DPEP3: variants seen among roughly 807,000 people sequenced by gnomAD.
The protein encoded by DPEP3 is dipeptidase 3, also known as membrane-bound dipeptidase 3.
Under a neutral mutation model 47.5 loss-of-function variants are expected in DPEP3, and 42 were observed. The ratio of observed to expected loss-of-function variants is 0.88; its 90% CI spans 0.69 to 1.14. The LOEUF (loss-of-function observed/expected upper bound fraction) is 1.14, where lower values mean the gene tolerates loss of function less well. Ranked by LOEUF, DPEP3 falls within the 50% of genes most tolerant of loss-of-function variation. The pLI is 0.00. For synonymous variants in DPEP3, 276 were observed against 270.2 expected, an observed-to-expected ratio of 1.02 and a Z score of -0.21; for missense variants, 560 against 635.0, an observed-to-expected ratio of 0.88 and a Z score of 1.27.
At position 67,977,925 on chromosome 16, in the gene DPEP3, C is replaced by T. The variant is rs988675933; in HGVS notation, c.756+13G>A. The T allele has an allele frequency of 1.2e-6, 2 of 1,613,842 alleles. No homozygotes were observed. Among genetic ancestry groups the T allele is most frequent in the Admixed American group, 1.7e-5 (1 of 59,996 alleles). ...GCAGCAGGTGGGTTGGGGTACAAAA[C>T]AGGAGTCCTCACCTCACCAAAGCTT... On this transcript the variant is annotated intron_variant, in intron 5 of 9. Transcript: ENST00000268793.
In DPEP3 at chr16:67,976,239, A is replaced by G; in HGVS notation, c.1095-11T>C. ...AGCCCCTGAGGGAACCTGTGTGGCC[A>G]CCCACCAGCCAGCTGTGGGACCTTA... is the stretch of plus-strand genomic sequence containing the variant. On this transcript the variant is annotated splice_polypyrimidine_tract_variant and intron_variant, in intron 8 of 9. Transcript: ENST00000268793. The G allele has an allele frequency of 6.2e-7, 1 of 1,613,744 alleles. No homozygotes were observed. Among genetic ancestry groups the G allele is most frequent in the South Asian group, 1.1e-5 (1 of 91,056 alleles).
Position 67,976,245 on chromosome 16 carries a change from C to T in DPEP3, c.1095-17G>A, listed in dbSNP as rs758014358. On this transcript the variant is annotated splice_polypyrimidine_tract_variant and intron_variant, in intron 8 of 9. Transcript: ENST00000268793. ...TGAGGGAACCTGTGTGGCCACCCAC[C>T]AGCCAGCTGTGGGACCTTAGCCCTG... is the stretch of plus-strand genomic sequence containing the variant. 6.2e-7 allele frequency: 1 copy of T among 1,613,794 alleles called. No individual in the cohort carries two copies. Among genetic ancestry groups the T allele is most frequent in the South Asian group, 1.1e-5 (1 of 91,070 alleles).
Position 67,977,798 on chromosome 16 carries a change from A to AT in DPEP3, c.787dup (p.Met263AsnfsTer36), listed in dbSNP as rs777427964. 2.5e-6 allele frequency: 4 copies of AT among 1,613,966 alleles called. No individual in the cohort carries two copies. The highest frequency in any genetic ancestry group is 3.4e-6 in the Non-Finnish European group (4 of 1,179,882). ...CGATGCATAGGACAAATCTATCATC[A>AT]TGCCCAGGCGGTTCAACTCCTCTAC... On this transcript the variant is annotated frameshift_variant, in exon 6 of 10. Transcript: ENST00000268793. LOFTEE classifies it high-confidence loss of function.
At chr16:67,976,884 CCAGT>C in intron 7 of DPEP3, 109 bp from the exon 8 acceptor site, 1 of 914,314 alleles carries the variant, frequency 1.1e-6, no homozygotes, top group Non-Finnish European at 1.7e-6. Flanking sequence ...TAGCTCATGG[CCAGT>C]CATGAGTCCT....
rs2031303605 is a variant in DPEP3 at position 67,980,448 on chromosome 16, C to T, written c.-68G>A. On this transcript the variant is annotated 5_prime_UTR_variant, in exon 1 of 10. Transcript: ENST00000268793. ...ATGGGCAGAGGCCGACAATGGGGTC[C>T]GGATCATGACGACCCAGCCTCCCGA... is the stretch of plus-strand genomic sequence containing the variant. The T allele has an allele frequency of 2.8e-6, 4 of 1,453,000 alleles. No homozygotes were observed. The highest frequency in any genetic ancestry group is 3.6e-6 in the Non-Finnish European group (4 of 1,103,096). 90.0% of individuals were successfully genotyped at this position (1,453,000 alleles called of 1,614,324 possible).
In DPEP3 at chr16:67,976,970, A is replaced by G. The variant is rs575580290; in HGVS notation, c.1019-195T>C. Among the ~76,000 whole-genome samples the G allele has an allele frequency of 2.0e-5, 3 of 152,280 alleles. No individual in the cohort carries two copies. The East Asian group carries it at 5.8e-4, about 29-fold the overall frequency. On this transcript the variant is annotated intron_variant, in intron 7 of 9. Coordinates refer to ENST00000268793, the MANE Select transcript of DPEP3 (RefSeq NM_001370198.1). ...CACCCCTTTGGGACTTTTCCTGCCCAGGAGCCACCCTGCCTCTGGGTTCCT... is the reference window on the plus strand; with the variant it reads ...CACCCCTTTGGGACTTTTCCTGCCCGGGAGCCACCCTGCCTCTGGGTTCCT...
chr16:67,980,265 G>A lies in DPEP3; in HGVS notation c.116C>T (p.Thr39Met), dbSNP rs374220452. 2.6e-5 allele frequency: 41 copies of A among 1,597,000 alleles called. No individual in the cohort carries two copies. Among genetic ancestry groups the A allele is most frequent in the Middle Eastern group, 1.8e-4 (1 of 5,712 alleles). Residue 39 changes from threonine (T) to methionine (M), a missense_variant, in exon 1 of 10, where the codon ACG becomes ATG. Thr to Met is a moderately conservative substitution (Grantham distance 81). Transcript: ENST00000268793. ...LRQPVTRAET[T>M]PGAPRALSTL... ...GGAGAGGGCTCTGGGGGCGCCCGGC[G>A]TGGTCTCCGCGCGGGTTACGGGCTG...
In DPEP3 at chr16:67,978,310, C is replaced by G. The variant is rs1317614741; in HGVS notation, c.643G>C (p.Gly215Arg). ...AAGGTAAGTGTCAGGTAGCGCACCC[C>G]CAGCACATAGAAACTGCGCAGCACA... is the stretch of plus-strand genomic sequence containing the variant. ...LSVLRSFYVL[G>R]VRYLTLTFTC... Residue 215 changes from glycine (G) to arginine (R), a missense_variant, in exon 4 of 10, where the codon GGG becomes CGG. Gly to Arg is a moderately radical substitution (Grantham distance 125). Transcript: ENST00000268793. This position sits in a 1 kb window ranked among gnomAD's most constrained non-coding sequence, Gnocchi z 4.4. 1.9e-5 allele frequency: 31 copies of G among 1,614,046 alleles called. No individual in the cohort carries two copies. Among genetic ancestry groups the G allele is most frequent in the Non-Finnish European group, 2.5e-5 (29 of 1,180,036 alleles).
Position 67,975,966 on chromosome 16 carries a change from C to G in DPEP3, c.1266G>C (p.Glu422Asp). ...REESRAQSPV[E>D]AEFPYGQLST... ...TCAGTTGCCCATATGGAAACTCAGCCTCCACGGGGCTCTGCGCCCTGCTCT... is the reference window on the plus strand; with the variant it reads ...TCAGTTGCCCATATGGAAACTCAGCGTCCACGGGGCTCTGCGCCCTGCTCT... The change falls in exon 10 of 10, where the codon GAG (glutamate) becomes GAC (aspartate). Residue 422 changes from glutamate to aspartate, a missense_variant. Glu to Asp is a conservative substitution (Grantham distance 45). Coordinates refer to ENST00000268793, the MANE Select transcript of DPEP3 (RefSeq NM_001370198.1). 6.2e-7 allele frequency: 1 copy of G among 1,613,974 alleles called. No individual in the cohort carries two copies. Among genetic ancestry groups the G allele is most frequent in the Non-Finnish European group, 8.5e-7 (1 of 1,179,888 alleles).
Position 67,980,321 on chromosome 16 carries a change from CA to C in DPEP3, c.59del (p.Leu20ArgfsTer14), listed in dbSNP as rs1310181423. On this transcript the variant is annotated frameshift_variant, in exon 1 of 10. Coordinates refer to ENST00000268793, the MANE Select transcript of DPEP3 (RefSeq NM_001370198.1). LOFTEE classifies it high-confidence loss of function. ...RALSRRYLRR[L>X]LLLLLLLLLR... Reference sequence around the variant, plus strand: ...GCAGCAGCAGCAGTAGCAGGAGCAGCAGACGCCGCAGATACCGCCGGCTGAG... The same window carrying C: ...GCAGCAGCAGCAGTAGCAGGAGCAGCGACGCCGCAGATACCGCCGGCTGAG... The C allele has an allele frequency of 8.3e-6, 13 of 1,557,136 alleles. No homozygotes were observed. The highest frequency in any genetic ancestry group is 1.4e-5 in the African/African-American group (1 of 73,488).
In DPEP3 at chr16:67,979,771, G is replaced by T. The variant is rs749228204; in HGVS notation, c.288-6C>A. The T allele has an allele frequency of 1.9e-6, 3 of 1,613,632 alleles. No homozygotes were observed. The highest frequency in any genetic ancestry group is 1.7e-4 in the Middle Eastern group (1 of 6,058). On this transcript the variant is annotated splice_polypyrimidine_tract_variant and splice_region_variant and intron_variant, in intron 1 of 9. Coordinates refer to ENST00000268793, the MANE Select transcript of DPEP3 (RefSeq NM_001370198.1). ...CCTGGGGCAGGTCATTGTGGCTGGGGGTGTGAAGGTCAGATGGAAACACCG... is the reference window on the plus strand; with the variant it reads ...CCTGGGGCAGGTCATTGTGGCTGGGTGTGTGAAGGTCAGATGGAAACACCG...
chr16:67,977,112 C>A (rs1292995942), intron 7 of DPEP3, among the ~76,000 whole-genome samples, 158 bp downstream of exon 7: 2 of 152,180 alleles, frequency 1.3e-5, no homozygotes, highest in South Asian at 4.1e-4. Flanking sequence ...CTCTGTGGCT[C>A]CAGATCTGGG....
chr16:67,980,102 G>T lies in DPEP3; in HGVS notation c.279C>A (p.Leu93=), dbSNP rs531603108. The stretch of plus-strand genomic sequence containing the variant: ...ACGCTGCACCTACATACCCGTCCAC[G>T]AGTGGGAAACTCCGCATCAGGGCCT... ...RAQALMRSFP[L]VDGHNDLPQV... The change falls in exon 1 of 10, where the codon CTC becomes CTA. Residue 93 remains leucine (L), a synonymous_variant. Transcript: ENST00000268793. The T allele has an allele frequency of 1.9e-5, 30 of 1,610,980 alleles. No individual in the cohort carries two copies. The highest frequency in any genetic ancestry group is 2.4e-5 in the Non-Finnish European group (28 of 1,178,812).
chr16:67,979,767 T>C lies in DPEP3; in HGVS notation c.288-2A>G. 1 of 1,613,760 alleles carries C rather than the reference T, an allele frequency of 6.2e-7. No homozygotes were observed. Among genetic ancestry groups the C allele is most frequent in the East Asian group, 2.2e-5 (1 of 44,874 alleles). The stretch of plus-strand genomic sequence containing the variant: ...AGGACCTGGGGCAGGTCATTGTGGC[T>C]GGGGGTGTGAAGGTCAGATGGAAAC... On this transcript the variant is annotated splice_acceptor_variant, in intron 1 of 9. Coordinates refer to ENST00000268793, the MANE Select transcript of DPEP3 (RefSeq NM_001370198.1). LOFTEE classifies it high-confidence loss of function.
At chr16:67,979,496 G>T in intron 2 of DPEP3, 143 bp downstream of exon 2, 1 of 1,294,766 alleles carries the variant, frequency 7.7e-7, no homozygotes, top group Non-Finnish European at 1.0e-6. Flanking sequence ...GGCCTCCAAG[G>T]CCCCACTCTC....
intron 7 of DPEP3, 22 bp from the exon 8 acceptor site, chr16:67,976,797 G>C: frequency 4.4e-6 from 7 of 1,607,474 alleles, no homozygotes; most frequent in Non-Finnish European, 6.0e-6. Context: ...GTGAGGGTGG[G>C]CAGCACTAGG....
chr16:67,978,344 G>T lies in DPEP3; in HGVS notation c.609C>A (p.Ser203Arg). 6.2e-7 allele frequency: 1 copy of T among 1,614,102 alleles called. No homozygotes were observed. Among genetic ancestry groups the T allele is most frequent in the South Asian group, 1.1e-5 (1 of 91,086 alleles). ...AGAAACTGCGCAGCACAGAGAGGCT[G>T]CTGTCCAGTGAGTGACCACCCTCCA... is the stretch of plus-strand genomic sequence containing the variant. Reference protein sequence around the residue: ...IGVEGGHSLDSSLSVLRSFYV... With the variant: ...IGVEGGHSLDRSLSVLRSFYV... Residue 203 changes from serine to arginine, a missense_variant, in exon 4 of 10, where the codon AGC becomes AGA. Physicochemically the swap from Ser to Arg is moderately radical, Grantham distance 110 (BLOSUM62 -1). Transcript: ENST00000268793. This position sits in a 1 kb window ranked among gnomAD's most constrained non-coding sequence, Gnocchi z 4.4.
rs2031235948 is a variant in DPEP3, at chr16:67,977,942, C to A, written c.752G>T (p.Gly251Val). ...GTACAAAACAGGAGTCCTCACCTCA[C>A]CAAAGCTTGTCAATCCGCTGACGTT... is the stretch of plus-strand genomic sequence containing the variant. ...YTNVSGLTSFGEKVVEELNRL... is the reference protein window; with the variant it reads ...YTNVSGLTSFVEKVVEELNRL... Residue 251 changes from glycine to valine, a missense_variant, in exon 5 of 10, where the codon GGT becomes GTT. Physicochemically the swap from Gly to Val is moderately radical, Grantham distance 109. Coordinates refer to ENST00000268793, the MANE Select transcript of DPEP3 (RefSeq NM_001370198.1). 6.2e-7 allele frequency: 1 copy of A among 1,613,964 alleles called. No individual in the cohort carries two copies. The highest frequency in any genetic ancestry group is 8.5e-7 in the Non-Finnish European group (1 of 1,179,886).
rs150317704 is a variant in DPEP3, at chr16:67,980,130, G to C, written c.251C>G (p.Ala84Gly). The change falls in exon 1 of 10, where the codon GCG becomes GGG. Residue 84 changes from alanine (A) to glycine (G), a missense_variant. Ala to Gly is a moderately conservative substitution (Grantham distance 60). Coordinates refer to ENST00000268793, the MANE Select transcript of DPEP3 (RefSeq NM_001370198.1). ...TPKTLDLRGR[A>G]QALMRSFPLV... ...TGGGAAACTCCGCATCAGGGCCTGC[G>C]CGCGACCCCGAAGGTCCAGGGTTTT... 3 of 1,612,634 alleles carry C rather than the reference G, an allele frequency of 1.9e-6. No homozygotes were observed. The highest frequency in any genetic ancestry group is 1.7e-6 in the Non-Finnish European group (2 of 1,179,488).
Sources: gnomAD v4.1 joint callset for allele counts (sites outside exome capture counted in the v4.1 genomes callset) on GRCh38, gnomAD v4.1.1 for gene constraint, Gnocchi (gnomAD v3.1) non-coding constraint, MANE v1.5 for transcripts, NCBI Gene and HGNC (gene_info 2026-07-23, HGNC 2026-07-21) for gene names.